SUN1: variants seen among roughly 807,000 people sequenced by gnomAD.
The protein encoded by SUN1 is Sad1 and UNC84 domain containing 1, also known as SUN domain-containing protein 1.
Under a neutral mutation model 103.2 loss-of-function variants are expected in SUN1, and 61 were observed. The ratio of observed to expected loss-of-function variants is 0.59; its 90% CI spans 0.48 to 0.73. SUN1 has a LOEUF of 0.73. Ranked by LOEUF, SUN1 falls within the 30% of genes least tolerant of loss-of-function variation. SUN1 has a pLI of 0.00. For synonymous variants in SUN1, 490 were observed against 425.7 expected, an observed-to-expected ratio of 1.15 and a Z score of -1.86; for missense variants, 1,052 against 1,034.6, an observed-to-expected ratio of 1.02 and a Z score of -0.23.
chr7:864,613 A>G (rs1834914383), intron 15 of SUN1, among the ~76,000 whole-genome samples: 1 of 151,054 alleles, frequency 6.6e-6, no homozygotes, highest in Non-Finnish European at 1.5e-5. Context: ...TTCTGCTATC[A>G]TATGGTAGGT....
intron 1 of SUN1, among the ~76,000 whole-genome samples, chr7:823,622 GCA>G (rs1788511804): frequency 6.6e-6 from 1 of 152,192 alleles, no homozygotes; most frequent in African/African-American, 2.4e-5. Flanking sequence ...TGCCGTGTGT[GCA>G]GGCAGCCATG....
upstream of SUN1, among the ~76,000 whole-genome samples, chr7:828,008 A>C (rs1794217279): frequency 6.6e-6 from 1 of 151,590 alleles, no homozygotes; most frequent in Non-Finnish European, 1.5e-5. Context: ...GGTTCAAGTG[A>C]TTCTCGTGCC....
rs1250884598 is a variant in SUN1, at chr7:842,058, G to A, written c.379G>A (p.Ala127Thr). The stretch of plus-strand genomic sequence containing the variant: ...CGGCGGCACTGTCAGCCTGCAGGAT[G>A]CTGTGACTCGACGGCCTCCTGTATT... ...SHGGTVSLQD[A>T]VTRRPPVLDE... Residue 127 changes from alanine (A) to threonine (T), a missense_variant, in exon 3 of 19, where the codon GCT becomes ACT. Coordinates refer to ENST00000401592, the MANE Select transcript of SUN1 (RefSeq NM_001130965.3). The A allele has an allele frequency of 6.2e-7, 1 of 1,614,116 alleles. No individual in the cohort carries two copies. Among genetic ancestry groups the A allele is most frequent in the Non-Finnish European group, 8.5e-7 (1 of 1,180,052 alleles).
intron 1 of SUN1, among the ~76,000 whole-genome samples, chr7:824,496 G>C (rs2128163152): frequency 6.6e-6 from 1 of 152,326 alleles, no homozygotes; most frequent in East Asian, 1.9e-4. Flanking sequence ...TAATAGTTTT[G>C]TCTTCCTAGA....
At chr7:844,260 A>G (rs1457185872) in intron 5 of SUN1, among the ~76,000 whole-genome samples, 1 of 152,206 alleles carries the variant, frequency 6.6e-6, no homozygotes. Flanking sequence ...CACCTGCAGC[A>G]GGAAGAGGCT....
chr7:819,592 T>C (rs985209801), intron 1 of SUN1, among the ~76,000 whole-genome samples: 4 of 152,230 alleles, frequency 2.6e-5, no homozygotes, highest in Admixed American at 2.0e-4. Context: ...ACAAGACTGC[T>C]TTTTCCCTAT....
chr7:870,665 A>C (rs1156296246), intron 17 of SUN1, among the ~76,000 whole-genome samples: 1 of 149,206 alleles, frequency 6.7e-6, no homozygotes, highest in Admixed American at 6.8e-5. Flanking sequence ...GGCCATCCTC[A>C]AGTAGCATCA....
intron 1 of SUN1, among the ~76,000 whole-genome samples, chr7:820,787 C>T (rs942615259): frequency 2.0e-5 from 3 of 152,154 alleles, no homozygotes; most frequent in Middle Eastern, 3.2e-3. Context: ...TTTTTCTGCA[C>T]CAATTGAGAT....
intron 17 of SUN1, among the ~76,000 whole-genome samples, chr7:871,290 T>G (rs559325441): frequency 6.6e-6 from 1 of 151,316 alleles, no homozygotes; most frequent in South Asian, 2.1e-4. Flanking sequence ...TATTTGAGCT[T>G]TTTAGTATGT....
At chr7:828,588 A>G (rs1354016609), upstream of SUN1, among the ~76,000 whole-genome samples, 1 of 152,178 alleles carries the variant, frequency 6.6e-6, no homozygotes, top group African/African-American at 2.4e-5. Context: ...ATATATTTGT[A>G]AAGAAACCTA....
chr7:867,289 G>A (rs1044995663), intron 16 of SUN1, among the ~76,000 whole-genome samples: 1 of 152,258 alleles, frequency 6.6e-6, no homozygotes, highest in African/African-American at 2.4e-5. Flanking sequence ...AAGCCACACA[G>A]CCCTGCGCTT....
chr7:827,940 C>T (rs1794127175), upstream of SUN1, among the ~76,000 whole-genome samples: 2 of 152,056 alleles, frequency 1.3e-5, no homozygotes, highest in African/African-American at 2.4e-5. Context: ...GACAGAGTCT[C>T]ACTCTGTCAC....
At position 869,389 on chromosome 7, in the gene SUN1, C is replaced by T. The variant is rs1313378384; in HGVS notation, c.2021C>T (p.Ser674Phe). Reference protein sequence around the residue: ...YPGNCWAFKGSQGYLVVRLSM... With the variant: ...YPGNCWAFKGFQGYLVVRLSM... Reference sequence around the variant, plus strand: ...GGTAACTGCTGGGCATTTAAAGGCTCCCAGGGGTACCTGGTGGTGAGGCTC... The same window carrying T: ...GGTAACTGCTGGGCATTTAAAGGCTTCCAGGGGTACCTGGTGGTGAGGCTC... Residue 674 changes from serine (S) to phenylalanine (F), a missense_variant, in exon 17 of 19, where the codon TCC (serine) becomes TTC (phenylalanine). Physicochemically the swap from Ser to Phe is radical, Grantham distance 155. Coordinates refer to ENST00000401592, the MANE Select transcript of SUN1 (RefSeq NM_001130965.3). 6.2e-7 allele frequency: 1 copy of T among 1,613,766 alleles called. No individual in the cohort carries two copies. The highest frequency in any genetic ancestry group is 8.5e-7 in the Non-Finnish European group (1 of 1,179,878).
intron 10 of SUN1, 110 bp from the exon 11 acceptor site, chr7:854,810 C>A: frequency 1.4e-6 from 1 of 738,916 alleles, no homozygotes; most frequent in South Asian, 1.7e-5. Flanking sequence ...ACATTGCGAC[C>A]ACAGATTCTC....
At position 823,174 on chromosome 7, in the gene SUN1, C is replaced by T. The variant is rs145975366; in HGVS notation, c.-74+6501C>T. On this transcript the variant is annotated intron_variant, in intron 1 of 17. Coordinates refer to the SUN1 transcript ENST00000389574. ...CAGTCACGTGCAGCGTTCACTTGTTCTCCAGGCAAGGATTAGAGCCGAAGG... is the reference window on the plus strand; with the variant it reads ...CAGTCACGTGCAGCGTTCACTTGTTTTCCAGGCAAGGATTAGAGCCGAAGG... Among the ~76,000 whole-genome samples the T allele has an allele frequency of 5.3e-5, 8 of 152,344 alleles. No individual in the cohort carries two copies. In the South Asian group the frequency reaches 1.5e-3, roughly 28 times the overall value.
chr7:867,333 A>G (rs1289291394), intron 16 of SUN1, among the ~76,000 whole-genome samples: 3 of 152,262 alleles, frequency 2.0e-5, no homozygotes, highest in Non-Finnish European at 4.4e-5. Flanking sequence ...CCAGCTCACG[A>G]GTGCCACCGG....
chr7:866,008 A>G lies in SUN1; in HGVS notation c.1921A>G (p.Met641Val), dbSNP rs374040275. ...SETYETKTAL[M>V]SLFGIPLWYF... ...AACTTACGAAACCAAAACGGCGCTGATGAGTCTGTTTGGGATCCCGCTGTG... is the reference window on the plus strand; with the variant it reads ...AACTTACGAAACCAAAACGGCGCTGGTGAGTCTGTTTGGGATCCCGCTGTG... Residue 641 changes from methionine to valine, a missense_variant, in exon 16 of 19, where the codon ATG (methionine) becomes GTG (valine). Around this residue, in one of 2 missense-constraint regions of SUN1, gnomAD observed 206 missense variants for 260.1 expected, o/e 0.79. Coordinates refer to ENST00000401592, the MANE Select transcript of SUN1 (RefSeq NM_001130965.3). 135 of 1,613,966 alleles carry G rather than the reference A, an allele frequency of 8.4e-5. No individual in the cohort carries two copies. Among genetic ancestry groups the G allele is most frequent in the Non-Finnish European group, 1.1e-4 (126 of 1,180,022 alleles).
upstream of SUN1, among the ~76,000 whole-genome samples, chr7:830,630 C>T (rs1014297753): frequency 6.6e-6 from 1 of 152,210 alleles, no homozygotes; most frequent in African/African-American, 2.4e-5. Context: ...ACCTCTTTTC[C>T]CTACCATCCC....
intron 16 of SUN1, chr7:869,020 C>T: frequency 8.2e-6 from 3 of 366,808 alleles, no homozygotes; most frequent in South Asian, 6.6e-5. Context: ...TGGTGGTGTC[C>T]CTTCTTGCTG....
Sources: gnomAD v4.1 joint callset for allele counts (sites outside exome capture counted in the v4.1 genomes callset) on GRCh38, gnomAD v4.1.1 for gene constraint, gnomAD v4.1.1 regional missense constraint, MANE v1.5 for transcripts, NCBI Gene and HGNC (gene_info 2026-07-23, HGNC 2026-07-21) for gene names.